The following CHN2 variants were observed in gnomAD, a reference collection of about 807,000 sequenced individuals.
The protein encoded by CHN2 is chimerin 2.
CHN2 carries 35 observed loss-of-function variants against 56.3 expected under a neutral mutation model. That is an observed-to-expected ratio of 0.62 (90% CI 0.47 to 0.82). The LOEUF (loss-of-function observed/expected upper bound fraction) is 0.82. CHN2 is among the 40% of genes least tolerant of loss of function. CHN2 has a pLI of 0.00. For missense variants in CHN2, 491 were observed against 580.5 expected (o/e 0.85, Z 1.58); for synonymous variants, 210 against 212.8 (o/e 0.99, Z 0.12).
intron 6 of CHN2, among the ~76,000 whole-genome samples, chr7:29,432,090 C>T (rs543912420): frequency 2.0e-5 from 3 of 152,242 alleles, no homozygotes; most frequent in African/African-American, 7.2e-5. Flanking sequence ...CTTATGAATC[C>T]TTTCCTAGTG....
At position 29,281,975 on chromosome 7, in the gene CHN2, C is replaced by T. The variant is rs1183491601; in HGVS notation, c.50-72650C>T. ...GGTGGGAACACTCAGGACTCCCTCC[C>T]GCCTCCTCCATAAATAACATAGAGA... On this transcript the variant is annotated intron_variant, in intron 1 of 12. Coordinates refer to ENST00000222792, the MANE Select transcript of CHN2 (RefSeq NM_004067.4). 2.6e-4 allele frequency among the ~76,000 whole-genome samples: 40 copies of T among 152,182 alleles called. 1 individual carries two copies. The highest frequency in any genetic ancestry group is 2.6e-3 in the Admixed American group (39 of 15,280).
chr7:29,397,194 A>G (rs1339033130), intron 4 of CHN2: 1 of 152,272 alleles, frequency 6.6e-6, no homozygotes, highest in Non-Finnish European at 1.5e-5. Context: ...TTCCTTGGAC[A>G]GAAGCTTCAG....
intron 1 of CHN2, among the ~76,000 whole-genome samples, chr7:29,252,839 C>A (rs904207531): frequency 6.8e-6 from 1 of 148,094 alleles, no homozygotes; most frequent in Non-Finnish European, 1.5e-5. Context: ...TCATGATCCA[C>A]CCGCCTCGGC....
chr7:29,483,539 T>C (rs1251549677), intron 7 of CHN2, among the ~76,000 whole-genome samples: 2 of 152,224 alleles, frequency 1.3e-5, no homozygotes, highest in Non-Finnish European at 2.9e-5. Flanking sequence ...TACTAGGCAC[T>C]GAGACGTATT....
intron 6 of CHN2, among the ~76,000 whole-genome samples, chr7:29,463,255 T>C (rs1653612080): frequency 6.6e-6 from 1 of 152,172 alleles, no homozygotes; most frequent in Non-Finnish European, 1.5e-5. Flanking sequence ...AATGCTTCTC[T>C]TGGATTATGC....
intron 3 of CHN2, among the ~76,000 whole-genome samples, chr7:29,390,070 A>AAT (rs1801241350): frequency 6.6e-6 from 1 of 150,868 alleles, no homozygotes; most frequent in Admixed American, 6.6e-5. Flanking sequence ...AAAAAAAAAA[A>AAT]GAATCAGCCA....
chr7:29,396,581 T>C (rs1801764009), intron 4 of CHN2: 1 of 152,054 alleles, frequency 6.6e-6, no homozygotes, highest in Non-Finnish European at 1.5e-5. Context: ...CTGCGTGCCC[T>C]GTCCTGCTAT....
At chr7:29,403,971 C>G (rs1426805876) in intron 6 of CHN2, among the ~76,000 whole-genome samples, 1 of 152,166 alleles carries the variant, frequency 6.6e-6, no homozygotes, top group African/African-American at 2.4e-5. Flanking sequence ...CCCATTTTAT[C>G]CTCAGAACCA....
At chr7:29,407,053 C>T (rs573102013) in intron 6 of CHN2, among the ~76,000 whole-genome samples, 26 of 152,300 alleles carry the variant, frequency 1.7e-4, no homozygotes, top group African/African-American at 6.3e-4. Context: ...TCAGCACGTG[C>T]TCCTTCCTTC....
chr7:29,251,453 G>A (rs1788513030), intron 1 of CHN2, among the ~76,000 whole-genome samples: 1 of 151,812 alleles, frequency 6.6e-6, no homozygotes, highest in African/African-American at 2.4e-5. Flanking sequence ...GATTCTGTCT[G>A]AAAAAAATAA....
chr7:29,159,067 C>T (rs897633095), intron 2 of CHN2, among the ~76,000 whole-genome samples: 3 of 152,182 alleles, frequency 2.0e-5, no homozygotes, highest in African/African-American at 7.2e-5. Flanking sequence ...CATTTTAAAG[C>T]CCATTAAGTC....
Position 29,187,339 on chromosome 7 carries a change from G to T in CHN2, c.274+40379G>T, listed in dbSNP as rs547628876. Among the ~76,000 whole-genome samples, 5 of 150,094 alleles carry T rather than the reference G, an allele frequency of 3.3e-5. No homozygotes were observed. In the East Asian group the frequency reaches 6.1e-4, roughly 18 times the overall value. ...TTATCATCTAGTGGTGTGTGTGTTT[G>T]TGTGTCTGTGTGTGTGTGTGTGTGT... is the stretch of plus-strand genomic sequence containing the variant. On this transcript the variant is annotated intron_variant, in intron 2 of 6. Transcript: ENST00000439384.
At chr7:29,289,754 C>T (rs1452279623) in intron 1 of CHN2, among the ~76,000 whole-genome samples, 2 of 152,156 alleles carry the variant, frequency 1.3e-5, no homozygotes, top group Non-Finnish European at 2.9e-5. Flanking sequence ...TGCCTATCAA[C>T]GCCGCACTGT....
Position 29,329,059 on chromosome 7 carries a change from C to T in CHN2, c.50-25566C>T, listed in dbSNP as rs545365291. On this transcript the variant is annotated intron_variant, in intron 1 of 12. Transcript: ENST00000222792. ...ACATGGAATCCTTTTAGCAGTTTCACAACTGTCTGGGGTTATTCATTGCAG... is the reference window on the plus strand; with the variant it reads ...ACATGGAATCCTTTTAGCAGTTTCATAACTGTCTGGGGTTATTCATTGCAG... Among the ~76,000 whole-genome samples, 7 of 152,238 alleles carry T rather than the reference C, an allele frequency of 4.6e-5. No individual in the cohort carries two copies. The East Asian group carries it at 1.2e-3, about 25-fold the overall frequency.
chr7:29,239,152 G>A (rs1787446379), intron 1 of CHN2, among the ~76,000 whole-genome samples: 1 of 152,184 alleles, frequency 6.6e-6, no homozygotes, highest in African/African-American at 2.4e-5. Flanking sequence ...AATCTCAAAG[G>A]GAGATGATTG....
chr7:29,322,965 C>T (rs1795478988), intron 1 of CHN2, among the ~76,000 whole-genome samples: 1 of 152,134 alleles, frequency 6.6e-6, no homozygotes. Flanking sequence ...ACCATCCTGG[C>T]CAACATGTTG....
chr7:29,325,467 T>C (rs1795727122), intron 1 of CHN2, among the ~76,000 whole-genome samples: 1 of 152,212 alleles, frequency 6.6e-6, no homozygotes, highest in South Asian at 2.1e-4. Context: ...TTGACCTCCA[T>C]CAGCACCATA....
intron 6 of CHN2, among the ~76,000 whole-genome samples, chr7:29,428,228 TAAAC>T (rs1222595499): frequency 6.6e-6 from 1 of 152,206 alleles, no homozygotes; most frequent in Non-Finnish European, 1.5e-5. Flanking sequence ...GTAGAGTGCT[TAAAC>T]AGACCTGGCA....
At chr7:29,424,394 C>T (rs956594798) in intron 6 of CHN2, among the ~76,000 whole-genome samples, 1 of 152,092 alleles carries the variant, frequency 6.6e-6, no homozygotes, top group Admixed American at 6.5e-5. Flanking sequence ...ACATCTTCAG[C>T]AGTGATTTCA....
Sources: allele counts gnomAD v4.1 joint callset (sites outside exome capture counted in the v4.1 genomes callset), GRCh38; gene constraint gnomAD v4.1.1; transcripts MANE v1.5; gene names NCBI Gene and HGNC (gene_info 2026-07-23, HGNC 2026-07-21).